Variants in FANCA observed in about 807,000 individuals in gnomAD.
FANCA encodes FA complementation group A.
FANCA carries 236 observed loss-of-function variants against 194.3 expected under a neutral mutation model. That is an observed-to-expected ratio of 1.21 (90% confidence interval 1.09 to 1.35). The LOEUF (loss-of-function observed/expected upper bound fraction) is 1.35, where lower values mean the gene tolerates loss of function less well. FANCA is among the 40% of genes most tolerant of loss of function. The pLI is 0.00. For missense variants in FANCA, 2,628 were observed against 1,813.9 expected, an observed-to-expected ratio of 1.45 and a Z score of -8.15; for synonymous variants, 1,014 against 715.8, an observed-to-expected ratio of 1.42 and a Z score of -6.65.
At chr16:89,775,254 A>G (rs1001607801) in intron 21 of FANCA, among the ~76,000 whole-genome samples, 1 of 152,098 alleles carries the variant, frequency 6.6e-6, no homozygotes, top group Non-Finnish European at 1.5e-5. Flanking sequence ...GCAGCCTTTC[A>G]CGGATTCCCA....
chr16:89,791,293 G>A (rs919557548), intron 14 of FANCA, 110 bp downstream of exon 14: 21 of 1,443,506 alleles, frequency 1.5e-5, no homozygotes, highest in Admixed American at 5.8e-5. Context: ...AAAGCTGACA[G>A]CAAGGTTGCT....
At chr16:89,792,630 CG>C in intron 11 of FANCA, 83 bp from the exon 12 acceptor site, 1 of 1,168,432 alleles carries the variant, frequency 8.6e-7, no homozygotes, top group Non-Finnish European at 1.3e-6. Context: ...CCCACAGGGT[CG>C]GTGGGTCTCT....
Position 89,737,737 on chromosome 16 carries a change from T to TA in FANCA, c.*863_*864insT. ...TCTTCCCAGCTGTGATGGTTTCACA[T>TA]TGTCATCGTCGTCCCCCCGGGAGGT... On this transcript the variant is annotated 3_prime_UTR_variant, in exon 43 of 43. Coordinates refer to ENST00000389301, the MANE Select transcript of FANCA (RefSeq NM_000135.4). The TA allele has an allele frequency of 6.2e-7, 1 of 1,604,566 alleles. No individual in the cohort carries two copies. The highest frequency in any genetic ancestry group is 8.5e-7 in the Non-Finnish European group (1 of 1,172,870).
At chr16:89,816,036 G>T (rs1368308881) in intron 1 of FANCA, 50 bp from the exon 2 acceptor site, 1 of 1,441,882 alleles carries the variant, frequency 6.9e-7, no homozygotes, top group Non-Finnish European at 9.8e-7. Context: ...TCACACACGG[G>T]GTCCCCGGCC....
Position 89,770,638 on chromosome 16 carries a change from C to T in FANCA, c.2152-4G>A. On this transcript the variant is annotated splice_polypyrimidine_tract_variant and splice_region_variant and intron_variant, in intron 23 of 42. Coordinates refer to ENST00000389301, the MANE Select transcript of FANCA (RefSeq NM_000135.4). ...ACGTCAGCAGGAGGTCCACAGCCTGCAGAGACACAGTTCTCATGAGCGTGG... is the reference window on the plus strand; with the variant it reads ...ACGTCAGCAGGAGGTCCACAGCCTGTAGAGACACAGTTCTCATGAGCGTGG... 6.2e-7 allele frequency: 1 copy of T among 1,606,008 alleles called. No individual in the cohort carries two copies. The highest frequency in any genetic ancestry group is 8.5e-7 in the Non-Finnish European group (1 of 1,176,006).
intron 21 of FANCA, among the ~76,000 whole-genome samples, chr16:89,773,607 C>G (rs1461178712): frequency 1.3e-5 from 2 of 151,954 alleles, no homozygotes; most frequent in Non-Finnish European, 2.9e-5. Context: ...TAAAAAATTA[C>G]ATTTATAAAC....
At chr16:89,766,918 C>T (rs1391344814) in intron 27 of FANCA, among the ~76,000 whole-genome samples, 1 of 152,134 alleles carries the variant, frequency 6.6e-6, no homozygotes, top group Non-Finnish European at 1.5e-5. Context: ...ACTCAGAGAA[C>T]ACAAGGAAAG....
intron 30 of FANCA, among the ~76,000 whole-genome samples, chr16:89,754,235 CAAAACAAAACAACAACAAAAAAA>C (rs1567607225): frequency 1.4e-5 from 2 of 144,740 alleles, no homozygotes; most frequent in African/African-American, 5.1e-5. Flanking sequence ...AAAAAAAAAA[CAAAACAAAACAACAACAAAAAAA>C]ACAACACTGC....
Position 89,750,132 on chromosome 16 carries a change from G to T in FANCA, c.3067-230C>A, listed in dbSNP as rs1223360486. 2.0e-5 allele frequency among the ~76,000 whole-genome samples: 3 copies of T among 152,022 alleles called. No homozygotes were observed. In the East Asian group the frequency reaches 5.8e-4, roughly 29 times the overall value. On this transcript the variant is annotated intron_variant, in intron 31 of 42. Transcript: ENST00000389301. ...AATGCCAGCACTTTGGGAGGCCGAGGCAGGCAGATTCCTTGAGCCCAGGAG... is the reference window on the plus strand; with the variant it reads ...AATGCCAGCACTTTGGGAGGCCGAGTCAGGCAGATTCCTTGAGCCCAGGAG...
intron 18 of FANCA, among the ~76,000 whole-genome samples, 200 bp from the exon 19 acceptor site, chr16:89,779,203 A>T (rs1428868556): frequency 6.6e-6 from 1 of 152,032 alleles, no homozygotes; most frequent in African/African-American, 2.4e-5. Flanking sequence ...GTCCGTGGGA[A>T]TCAGGACCAC....
At position 89,805,384 on chromosome 16, in the gene FANCA, T is replaced by C. The variant is rs1319211682; in HGVS notation, c.605A>G (p.Asp202Gly). The C allele has an allele frequency of 1.2e-6, 2 of 1,613,024 alleles. No individual in the cohort carries two copies. The highest frequency in any genetic ancestry group is 4.5e-5 in the East Asian group (2 of 44,872). The change falls in exon 7 of 43, where the codon GAC becomes GGC. Residue 202 changes from aspartate (D) to glycine (G), a missense_variant. By Grantham distance (94) the Asp-to-Gly change is moderately conservative. Transcript: ENST00000389301. ...GAGCCACGATCCCACAGCATGCATG[T>C]CGGGATGGCTGGAGACACACACAGA... is the stretch of plus-strand genomic sequence containing the variant. Reference protein sequence around the residue: ...SLQELLESHPDMHAVGSWLFR... With the variant: ...SLQELLESHPGMHAVGSWLFR...
At chr16:89,768,967 G>T (rs1228538072) in intron 26 of FANCA, among the ~76,000 whole-genome samples, 1 of 152,140 alleles carries the variant, frequency 6.6e-6, no homozygotes, top group Non-Finnish European at 1.5e-5. Flanking sequence ...GTGTGGCCAA[G>T]CGCCTAGGAG....
chr16:89,782,705 G>A (rs1427359833), intron 17 of FANCA, among the ~76,000 whole-genome samples, 154 bp downstream of exon 17: 1 of 152,114 alleles, frequency 6.6e-6, no homozygotes, highest in African/African-American at 2.4e-5. Context: ...CAGCAACACA[G>A]AGGCCCGCAG....
Position 89,805,266 on chromosome 16 carries a change from T to C in FANCA, c.709+14A>G. 1.2e-6 allele frequency: 2 copies of C among 1,603,786 alleles called. No homozygotes were observed. The highest frequency in any genetic ancestry group is 1.7e-6 in the Non-Finnish European group (2 of 1,170,976). On this transcript the variant is annotated intron_variant, in intron 7 of 42. Coordinates refer to ENST00000389301, the MANE Select transcript of FANCA (RefSeq NM_000135.4). ...GAGTTTTACCCAAGAACCCGCATCT[T>C]GTCATGAACGCACCAGAAAGCATGG...
intron 39 of FANCA, 66 bp from the exon 40 acceptor site, chr16:89,739,619 C>T (rs1001042577): frequency 2.6e-6 from 4 of 1,530,804 alleles, no homozygotes; most frequent in Admixed American, 3.9e-5. Flanking sequence ...GCTGGGGACA[C>T]CCCTGGGGGT....
chr16:89,780,065 C>A, intron 17 of FANCA, 108 bp from the exon 18 acceptor site: 4 of 1,010,376 alleles, frequency 4.0e-6, no homozygotes, highest in Non-Finnish European at 4.6e-6. Context: ...AGGCTCTGTA[C>A]ACATTAAAGG....
chr16:89,740,388 C>G, intron 38 of FANCA: 1 of 498,196 alleles, frequency 2.0e-6, no homozygotes, highest in Non-Finnish European at 3.6e-6. Context: ...GCCTGTAATC[C>G]CAACACTTTG....
In FANCA at chr16:89,742,853, T is replaced by G; in HGVS notation, c.3712A>C (p.Arg1238=). Residue 1238 remains arginine, a synonymous_variant, in exon 37 of 43, where the codon AGG becomes CGG. Transcript: ENST00000389301. Reference sequence around the variant, plus strand: ...AGCTGCTTCCTGATGTTTTCTTCCCTGACTTGTTGAATCGCAAAGTGCAGT... The same window carrying G: ...AGCTGCTTCCTGATGTTTTCTTCCCGGACTTGTTGAATCGCAAAGTGCAGT... The part of the protein sequence containing the change: ...AALHFAIQQV[R]EENIRKQLKK... 6.2e-7 allele frequency: 1 copy of G among 1,614,198 alleles called. No individual in the cohort carries two copies. The highest frequency in any genetic ancestry group is 8.5e-7 in the Non-Finnish European group (1 of 1,180,028).
intron 14 of FANCA, among the ~76,000 whole-genome samples, chr16:89,790,584 C>A (rs2040036830): frequency 6.6e-6 from 1 of 151,710 alleles, no homozygotes; most frequent in Non-Finnish European, 1.5e-5. Context: ...CAAAAATGAA[C>A]TGGGTATGGT....
Sources: gnomAD v4.1 joint callset for allele counts (sites outside exome capture counted in the v4.1 genomes callset) on GRCh38, gnomAD v4.1.1 for gene constraint, MANE v1.5 for transcripts, NCBI Gene and HGNC (gene_info 2026-07-23, HGNC 2026-07-21) for gene names.